The following GNPDA2 variants were observed in gnomAD, a reference collection of about 807,000 sequenced individuals.
The protein encoded by GNPDA2 is glucosamine-6-phosphate deaminase 2.
Under a neutral mutation model 27.0 loss-of-function variants are expected in GNPDA2, and 24 were observed. That is an observed-to-expected ratio of 0.89 (90% CI 0.64 to 1.25). GNPDA2 has a LOEUF of 1.25. GNPDA2 is among the 50% of genes most tolerant of loss of function. The probability of loss-of-function intolerance (pLI) is 0.00; values close to 1 mark genes in which losing one functional copy is unlikely to be tolerated. For synonymous variants in GNPDA2, 94 were observed against 108.4 expected, an observed-to-expected ratio of 0.87 and a Z score of 0.83; for missense variants, 286 against 335.1, an observed-to-expected ratio of 0.85 and a Z score of 1.14.
rs569049479 is a variant in GNPDA2, at chr4:44,717,101, G to A, written c.409+12C>T. On this transcript the variant is annotated intron_variant, in intron 4 of 6. Transcript: ENST00000295448. ...ACTAACAAACAGTTAATGACAAAAG[G>A]TTTTTACATACCTCCAACAAAAAGA... The A allele has an allele frequency of 1.9e-6, 3 of 1,579,314 alleles. No individual in the cohort carries two copies. The South Asian group carries it at 3.5e-5, about 18-fold the overall frequency.
Position 44,702,858 on chromosome 4 carries a change from T to C in GNPDA2, c.*223A>G. The C allele has an allele frequency of 7.3e-7, 1 of 1,377,708 alleles. No individual in the cohort carries two copies. Among genetic ancestry groups the C allele is most frequent in the Non-Finnish European group, 9.3e-7 (1 of 1,072,900 alleles). 85.3% of individuals were successfully genotyped at this position (1,377,708 alleles called of 1,614,324 possible). Reference sequence around the variant, plus strand: ...TAGGTGGCTATGTGACTTCAGTACTTTATAATAAATAGCCAGTCAATCTTG... The same window carrying C: ...TAGGTGGCTATGTGACTTCAGTACTCTATAATAAATAGCCAGTCAATCTTG... On this transcript the variant is annotated 3_prime_UTR_variant, in exon 7 of 7. Coordinates refer to ENST00000295448, the MANE Select transcript of GNPDA2 (RefSeq NM_138335.3).
In GNPDA2 at chr4:44,707,779, T is replaced by G; in HGVS notation, c.742A>C (p.Arg248=). Residue 248 remains arginine (R), a synonymous_variant, in exon 6 of 7, where the codon AGA becomes CGA. Transcript: ENST00000295448. ...TTAAAGTATTTCACAGTTTTAACTCTTAATTCTAAAGTAGCATCTTCATCG... is the reference window on the plus strand; with the variant it reads ...TTAAAGTATTTCACAGTTTTAACTCGTAATTCTAAAGTAGCATCTTCATCG... ...VCDEDATLEL[R]VKTVKYFKGL... is the part of the protein sequence containing the mutation. 1 of 1,613,220 alleles carries G rather than the reference T, an allele frequency of 6.2e-7. No homozygotes were observed. Among genetic ancestry groups the G allele is most frequent in the Non-Finnish European group, 8.5e-7 (1 of 1,179,556 alleles).
chr4:44,716,347 G>GT (rs1717281248), intron 4 of GNPDA2, among the ~76,000 whole-genome samples: 1 of 151,842 alleles, frequency 6.6e-6, no homozygotes, highest in Admixed American at 6.6e-5. Flanking sequence ...TACAGCATTA[G>GT]TATTTTTAGT....
chr4:44,710,847 G>T, intron 5 of GNPDA2, 106 bp downstream of exon 5: 1 of 955,944 alleles, frequency 1.0e-6, no homozygotes, highest in South Asian at 2.1e-5. Flanking sequence ...AATTTATACT[G>T]CAAATAGAAT....
chr4:44,719,582 C>T (rs187487757), intron 2 of GNPDA2, among the ~76,000 whole-genome samples: 258 of 152,052 alleles, frequency 1.7e-3, no homozygotes, highest in Non-Finnish European at 2.7e-3. Flanking sequence ...AGCCCACTAA[C>T]ATGAAACCTG....
At chr4:44,704,874 T>C in intron 6 of GNPDA2, 1 of 984,008 alleles carries the variant, frequency 1.0e-6, no homozygotes, top group Non-Finnish European at 1.2e-6. Flanking sequence ...AAATTCATGA[T>C]GATGATGTCA....
chr4:44,724,689 A>G (rs1717904062), intron 1 of GNPDA2, among the ~76,000 whole-genome samples: 1 of 152,230 alleles, frequency 6.6e-6, no homozygotes, highest in Non-Finnish European at 1.5e-5. Context: ...TTCTAAATTA[A>G]TGAGATTAAA....
At chr4:44,716,443 G>T (rs1176439598) in intron 4 of GNPDA2, among the ~76,000 whole-genome samples, 1 of 151,796 alleles carries the variant, frequency 6.6e-6, no homozygotes, top group Non-Finnish European at 1.5e-5. Flanking sequence ...AGCTGTCTGC[G>T]ATAGTTTACA....
At chr4:44,715,440 A>T (rs935672923) in intron 4 of GNPDA2, among the ~76,000 whole-genome samples, 3 of 152,168 alleles carry the variant, frequency 2.0e-5, no homozygotes, top group Admixed American at 6.5e-5. Flanking sequence ...AACCTCAAAC[A>T]ACTAAGAGCC....
chr4:44,703,872 T>G (rs1716426397), intron 6 of GNPDA2: 1 of 984,928 alleles, frequency 1.0e-6, no homozygotes, highest in Non-Finnish European at 1.2e-6. Context: ...AGAAAAAAGT[T>G]CTAAAAAGAC....
chr4:44,717,370 G>A (rs1717371449), intron 3 of GNPDA2, 75 bp from the exon 4 acceptor site: 4 of 799,390 alleles, frequency 5.0e-6, no homozygotes, highest in Non-Finnish European at 7.5e-6. Flanking sequence ...TAAGTCATAA[G>A]TGCTATTTAA....
At chr4:44,712,310 C>T (rs1385056121) in intron 4 of GNPDA2, among the ~76,000 whole-genome samples, 1 of 151,986 alleles carries the variant, frequency 6.6e-6, no homozygotes, top group Non-Finnish European at 1.5e-5. Flanking sequence ...TTTACTGACA[C>T]TTAGCACACA....
At chr4:44,711,809 G>GTATA (rs35046303) in intron 4 of GNPDA2, among the ~76,000 whole-genome samples, 2,354 of 103,312 alleles carry the variant, frequency 0.023, 59 homozygotes, top group African/African-American at 0.059. Context: ...TTGCAATCTA[G>GTATA]TATATATATA....
At chr4:44,711,240 T>C (rs1716961838) in intron 4 of GNPDA2, 103 bp from the exon 5 acceptor site, 1 of 621,696 alleles carries the variant, frequency 1.6e-6, no homozygotes, top group Non-Finnish European at 2.5e-6. Flanking sequence ...TTTTATTTTA[T>C]ACTTGAATTC....
Position 44,702,468 on chromosome 4 carries a change from C to G in GNPDA2, c.*613G>C. On this transcript the variant is annotated 3_prime_UTR_variant, in exon 7 of 7. Transcript: ENST00000295448. ...AAAAAGTGCTATAGAAGAAGGTGCA[C>G]AAAAAACATGCACTTACACATACTT... is the stretch of plus-strand genomic sequence containing the variant. 1.0e-6 allele frequency: 1 copy of G among 981,112 alleles called. No homozygotes were observed. Among genetic ancestry groups the G allele is most frequent in the Non-Finnish European group, 1.2e-6 (1 of 825,836 alleles). 60.8% of individuals were successfully genotyped at this position (981,112 alleles called of 1,614,324 possible).
chr4:44,714,341 T>A (rs1717154169), intron 4 of GNPDA2: 1 of 985,330 alleles, frequency 1.0e-6, no homozygotes, highest in African/African-American at 1.7e-5. Flanking sequence ...AGGAATTGCA[T>A]GATACACCTT....
At chr4:44,721,945 TGGCC>T in intron 2 of GNPDA2, 135 bp downstream of exon 2, 1 of 612,550 alleles carries the variant, frequency 1.6e-6, no homozygotes, top group Admixed American at 3.2e-5. Context: ...TGCATTTTTC[TGGCC>T]TTTTATACTA....
chr4:44,703,189 CTA>C (rs753407535), intron 6 of GNPDA2, 47 bp from the exon 7 acceptor site: 69 of 1,583,120 alleles, frequency 4.4e-5, no homozygotes, highest in Non-Finnish European at 5.6e-5. Flanking sequence ...TAATTTTGAA[CTA>C]TCTCATTTAC....
Position 44,707,777 on chromosome 4 carries a change from T to C in GNPDA2, c.744A>G (p.Arg248=), listed in dbSNP as rs372492787. The C allele has an allele frequency of 2.5e-6, 4 of 1,613,062 alleles. No homozygotes were observed. The African/African-American group carries it at 5.3e-5, about 22-fold the overall frequency. The change falls in exon 6 of 7, where the codon AGA becomes AGG. Residue 248 remains arginine (R), a synonymous_variant. Transcript: ENST00000295448. ...CTTTAAAGTATTTCACAGTTTTAAC[T>C]CTTAATTCTAAAGTAGCATCTTCAT... ...VCDEDATLEL[R]VKTVKYFKGL...
Sources: allele counts gnomAD v4.1 joint callset (sites outside exome capture counted in the v4.1 genomes callset), GRCh38; gene constraint gnomAD v4.1.1; transcripts MANE v1.5; gene names NCBI Gene and HGNC (gene_info 2026-07-23, HGNC 2026-07-21).